CDH2: variants seen among roughly 807,000 people sequenced by gnomAD.
The protein encoded by CDH2 is cadherin 2.
In CDH2, 17 loss-of-function variants were observed where a neutral mutation model predicts 92.0. The ratio of observed to expected loss-of-function variants is 0.18; its 90% confidence interval spans 0.13 to 0.28. The LOEUF (loss-of-function observed/expected upper bound fraction) is 0.28, where lower values mean the gene tolerates loss of function less well. Ranked by LOEUF, CDH2 falls within the 10% of genes least tolerant of loss-of-function variation. The probability of loss-of-function intolerance (pLI) is 1.00; values close to 1 mark genes in which losing one functional copy is unlikely to be tolerated. For synonymous variants in CDH2, 419 were observed against 415.9 expected, an observed-to-expected ratio of 1.01 and a Z score of -0.09; for missense variants, 862 against 1,133.1, an observed-to-expected ratio of 0.76 and a Z score of 3.44.
chr18:27,975,560 G>A (rs896059500), intron 14 of CDH2, among the ~76,000 whole-genome samples: 10 of 152,210 alleles, frequency 6.6e-5, no homozygotes. Flanking sequence ...CCCTGTGGTG[G>A]CGTCTAGGTG....
chr18:27,967,378 CATA>C (rs2011556316), intron 14 of CDH2, among the ~76,000 whole-genome samples: 1 of 152,082 alleles, frequency 6.6e-6, no homozygotes, highest in Non-Finnish European at 1.5e-5. Context: ...TTTACAATCC[CATA>C]ATGATGTACA....
At chr18:28,151,614 A>G (rs1264813273) in intron 1 of CDH2, among the ~76,000 whole-genome samples, 1 of 152,154 alleles carries the variant, frequency 6.6e-6, no homozygotes, top group African/African-American at 2.4e-5. Context: ...GCATCCCAGA[A>G]AGCCAAAACC....
chr18:27,951,794 G>C lies in CDH2; in HGVS notation c.*359C>G. 1 of 199,340 alleles carries C rather than the reference G, an allele frequency of 5.0e-6. No homozygotes were observed. Among genetic ancestry groups the C allele is most frequent in the South Asian group, 1.0e-4 (1 of 9,748 alleles). The allele number at this position is 199,340 out of a possible 1,614,324, so 12.3% of individuals were successfully genotyped here. A position where few individuals can be genotyped will look rare whatever the true frequency, so the allele number is the denominator to read the frequency against. On this transcript the variant is annotated 3_prime_UTR_variant, in exon 16 of 16. Coordinates refer to ENST00000269141, the MANE Select transcript of CDH2 (RefSeq NM_001792.5). ...ACAAAAGCGTGTTGAAGCATATCAT[G>C]GTTTAACTTACTGCTCCCACCACAA...
At chr18:28,065,456 T>C (rs2014488690) in intron 2 of CDH2, among the ~76,000 whole-genome samples, 1 of 152,146 alleles carries the variant, frequency 6.6e-6, no homozygotes, top group African/African-American at 2.4e-5. Flanking sequence ...CTATAGCAAC[T>C]GTAATAAAAA....
chr18:28,014,335 T>A lies in CDH2; in HGVS notation c.173-426A>T, dbSNP rs148288781. Among the ~76,000 whole-genome samples, 707 of 152,304 alleles carry A rather than the reference T, an allele frequency of 4.6e-3. 3 individuals are homozygous for A. The highest frequency in any genetic ancestry group is 7.2e-3 in the Non-Finnish European group (491 of 68,020). Reference sequence around the variant, plus strand: ...TGATCTGAGCTCTGCTACCTCAGTTTCTTAGTCATGTCTGACACTGCTTGG... The same window carrying A: ...TGATCTGAGCTCTGCTACCTCAGTTACTTAGTCATGTCTGACACTGCTTGG... On this transcript the variant is annotated intron_variant, in intron 2 of 15. Coordinates refer to ENST00000269141, the MANE Select transcript of CDH2 (RefSeq NM_001792.5).
At chr18:28,154,701 T>C (rs1033525046) in intron 1 of CDH2, among the ~76,000 whole-genome samples, 1 of 152,198 alleles carries the variant, frequency 6.6e-6, no homozygotes, top group African/African-American at 2.4e-5. Flanking sequence ...CCTTGGTCAC[T>C]CAATCTGCTT....
intron 2 of CDH2, among the ~76,000 whole-genome samples, chr18:28,099,491 T>TA (rs2015192590): frequency 6.6e-6 from 1 of 152,148 alleles, no homozygotes; most frequent in Non-Finnish European, 1.5e-5. Flanking sequence ...ATATGGCTGC[T>TA]AACCAGTTGC....
intron 11 of CDH2, 149 bp downstream of exon 11, chr18:27,988,375 G>T: frequency 1.5e-6 from 1 of 651,580 alleles, no homozygotes; most frequent in Non-Finnish European, 2.7e-6. Context: ...CAGAACACCT[G>T]TCTGAAATGA....
At position 28,040,445 on chromosome 18, in the gene CDH2, G is replaced by A. The variant is rs1046392932; in HGVS notation, c.173-26536C>T. On this transcript the variant is annotated intron_variant, in intron 2 of 15. Coordinates refer to ENST00000269141, the MANE Select transcript of CDH2 (RefSeq NM_001792.5). ...CACTTCCAAGTAGGTAAAATTCCAT[G>A]AACAGACAATGTTAATTTTCTTAGG... is the stretch of plus-strand genomic sequence containing the variant. Among the ~76,000 whole-genome samples, 6 of 152,096 alleles carry A rather than the reference G, an allele frequency of 3.9e-5. No homozygotes were observed. In the East Asian group the frequency reaches 9.7e-4, roughly 24 times the overall value.
chr18:28,137,161 A>T (rs1485199404), intron 2 of CDH2, among the ~76,000 whole-genome samples: 2 of 152,206 alleles, frequency 1.3e-5, no homozygotes, highest in East Asian at 3.9e-4. Context: ...CCTCACACTA[A>T]TGAAAACCTT....
At chr18:27,983,232 A>G (rs1225663613) in intron 13 of CDH2, 149 bp from the exon 14 acceptor site, 2 of 579,906 alleles carry the variant, frequency 3.4e-6, no homozygotes, top group Admixed American at 3.4e-5. Context: ...CTGGCCTCAC[A>G]TTAAGAGAGA....
chr18:28,176,887 G>C (rs1273212134), intron 1 of CDH2, 76 bp downstream of exon 1: 2 of 850,426 alleles, frequency 2.4e-6, no homozygotes, highest in Non-Finnish European at 3.0e-6. Context: ...GCCCCGCAGC[G>C]GCGCGGGGAA....
intron 2 of CDH2, among the ~76,000 whole-genome samples, chr18:28,111,772 G>C (rs1041480114): frequency 6.6e-6 from 1 of 152,170 alleles, no homozygotes; most frequent in African/African-American, 2.4e-5. Flanking sequence ...AACAGGGAAA[G>C]ATTAAGAGCT....
chr18:28,045,678 T>C, intron 2 of CDH2: 1 of 274,262 alleles, frequency 3.6e-6, no homozygotes, highest in Non-Finnish European at 7.2e-6. Flanking sequence ...CTCCCCCACA[T>C]GTGTGCTTCA....
intron 2 of CDH2, among the ~76,000 whole-genome samples, chr18:28,018,670 A>G (rs2013321497): frequency 6.6e-6 from 1 of 151,966 alleles, no homozygotes; most frequent in Middle Eastern, 3.2e-3. Flanking sequence ...AAAAAATAAT[A>G]GATGTTGGCA....
At chr18:28,085,964 A>G (rs906789753) in intron 2 of CDH2, among the ~76,000 whole-genome samples, 4 of 152,180 alleles carry the variant, frequency 2.6e-5, no homozygotes, top group Non-Finnish European at 5.9e-5. Context: ...TCTAAAGGAG[A>G]ATAAAAATAT....
At chr18:27,958,639 T>C (rs766423416) in intron 15 of CDH2, among the ~76,000 whole-genome samples, 1 of 151,872 alleles carries the variant, frequency 6.6e-6, no homozygotes, top group Non-Finnish European at 1.5e-5. Context: ...GTGATATATG[T>C]GTATATGTGC....
Position 27,952,234 on chromosome 18 carries a change from A to T in CDH2, c.2640T>A (p.Gly880=). Residue 880 remains glycine (G), a synonymous_variant, in exon 16 of 16, where the codon GGT becomes GGA. Coordinates refer to ENST00000269141, the MANE Select transcript of CDH2 (RefSeq NM_001792.5). ...CGTTCAGGTAATCATAGTCCTGCTC[A>T]CCACCACTACTTGAGGAATTAAGGG... ...LSSLNSSSSG[G]EQDYDYLNDW... The T allele has an allele frequency of 2.5e-6, 4 of 1,613,678 alleles. No homozygotes were observed. The highest frequency in any genetic ancestry group is 3.4e-6 in the Non-Finnish European group (4 of 1,179,728).
intron 2 of CDH2, among the ~76,000 whole-genome samples, chr18:28,042,705 G>A (rs1036438639): frequency 1.3e-5 from 2 of 152,098 alleles, no homozygotes; most frequent in African/African-American, 4.8e-5. Flanking sequence ...ATAAGAACAA[G>A]TTACTACAGG....
Sources: gnomAD v4.1 joint callset for allele counts (sites outside exome capture counted in the v4.1 genomes callset) on GRCh38, gnomAD v4.1.1 for gene constraint, MANE v1.5 for transcripts, NCBI Gene and HGNC (gene_info 2026-07-23, HGNC 2026-07-21) for gene names.